EP400: variants seen among roughly 807,000 people sequenced by gnomAD.
The protein encoded by EP400 is E1A binding protein p400.
In EP400, 105 loss-of-function variants were observed where a neutral mutation model predicts 354.1. The ratio of observed to expected loss-of-function variants is 0.30; its 90% confidence interval spans 0.25 to 0.35. The LOEUF (loss-of-function observed/expected upper bound fraction) is 0.35, where lower values mean the gene tolerates loss of function less well. Among genes scored for constraint, EP400 ranks in the 10% least tolerant of loss-of-function variants. The pLI, the probability that EP400 is intolerant of heterozygous loss-of-function variation, is 1.00. For missense variants in EP400, 3,280 were observed against 4,121.0 expected (o/e 0.80, Z 5.59); for synonymous variants, 1,646 against 1,716.9 (o/e 0.96, Z 1.02).
intron 15 of EP400, 25 bp downstream of exon 15, chr12:132,006,902 C>G (rs367783434): frequency 6.2e-7 from 1 of 1,613,322 alleles, no homozygotes; most frequent in Non-Finnish European, 8.5e-7. Flanking sequence ...GTTTTTTTAA[C>G]AATACCTATT....
chr12:132,020,049 G>A lies in EP400; in HGVS notation c.4278G>A (p.Arg1426=). ...RPAAAKLKAS[R]LFQPVQYGQK... ...CTTGCCTGGACCAATGGGCATCTAG[G>A]TTGTTTCAGCCTGTGCAGTATGGCC... Residue 1426 remains arginine, a splice_region_variant and synonymous_variant, in exon 22 of 53, where the codon AGG becomes AGA. Coordinates refer to ENST00000389561, the MANE Select transcript of EP400 (RefSeq NM_015409.5). The A allele has an allele frequency of 6.5e-7, 1 of 1,535,234 alleles. No homozygotes were observed. The highest frequency in any genetic ancestry group is 8.8e-7 in the Non-Finnish European group (1 of 1,138,768).
chr12:132,029,850 C>T lies in EP400; in HGVS notation c.5531C>T (p.Thr1844Met), dbSNP rs780531998. The T allele has an allele frequency of 1.8e-5, 29 of 1,612,838 alleles. No homozygotes were observed. Among genetic ancestry groups the T allele is most frequent in the Middle Eastern group, 1.7e-4 (1 of 6,052 alleles). The change falls in exon 28 of 53, where the codon ACG becomes ATG. Residue 1844 changes from threonine to methionine, a missense_variant. Thr to Met is a moderately conservative substitution (Grantham distance 81). Around this residue, in one of 20 missense-constraint regions of EP400, gnomAD observed 459 missense variants for 496.9 expected, o/e 0.92. Coordinates refer to ENST00000389561, the MANE Select transcript of EP400 (RefSeq NM_015409.5). The surrounding 1 kb of genome is among the most constrained non-coding windows in gnomAD (Gnocchi z 4.7). ...TACTTCCAGCAGCTGCGGCAGACCA[C>T]GGCTCCACGCCTGCTGCAGTTCCCT... is the stretch of plus-strand genomic sequence containing the variant. ...APYFQQLRQTTAPRLLQFPEL... is the reference protein window; with the variant it reads ...APYFQQLRQTMAPRLLQFPEL...
Position 132,020,201 on chromosome 12 carries a change from C to T in EP400, c.4430C>T (p.Ala1477Val). The T allele has an allele frequency of 6.2e-7, 1 of 1,606,332 alleles. No individual in the cohort carries two copies. The highest frequency in any genetic ancestry group is 1.1e-5 in the South Asian group (1 of 89,560). ...CGGCCGCCCATCGCCACGTTCTCTG[C>T]CAATCCGGAGGCAAAAGGTAGACTT... ...RGRPPIATFS[A>V]NPEAKAAAAP... is the part of the protein sequence containing the mutation. Residue 1477 changes from alanine (A) to valine (V), a missense_variant, in exon 22 of 53, where the codon GCC becomes GTC. Ala to Val is a moderately conservative substitution (Grantham distance 64). This residue lies in a region of EP400 where 342 missense variants were observed against 342.7 expected (regional missense o/e 1.00). Transcript: ENST00000389561.
chr12:132,063,874 G>A (rs914503414), intron 47 of EP400, among the ~76,000 whole-genome samples: 1 of 152,172 alleles, frequency 6.6e-6, no homozygotes, highest in Non-Finnish European at 1.5e-5. Flanking sequence ...CCTGCGGGAC[G>A]TGCCACTGGA....
chr12:131,976,640 G>C (rs111759723), intron 2 of EP400, among the ~76,000 whole-genome samples: 1,834 of 152,254 alleles, frequency 0.012, 40 homozygotes, highest in African/African-American at 0.042. Context: ...AACCCAGGAG[G>C]TGGAGGTTGC....
At chr12:131,954,226 A>T (rs922485322) in intron 1 of EP400, among the ~76,000 whole-genome samples, 2 of 137,220 alleles carry the variant, frequency 1.5e-5, no homozygotes, top group Non-Finnish European at 3.2e-5. Context: ...TCTTAAAATT[A>T]AAAAAAAAAA....
At chr12:131,972,615 C>T (rs183328573) in intron 2 of EP400, among the ~76,000 whole-genome samples, 23 of 151,438 alleles carry the variant, frequency 1.5e-4, no homozygotes, top group Admixed American at 8.6e-4. Context: ...CAGACAGGCA[C>T]GCATTTATTT....
At position 132,013,716 on chromosome 12, in the gene EP400, G is replaced by A. The variant is rs1393836279; in HGVS notation, c.3786+52G>A. The A allele has an allele frequency of 1.2e-6, 2 of 1,609,750 alleles. No individual in the cohort carries two copies. Among genetic ancestry groups the A allele is most frequent in the African/African-American group, 1.3e-5 (1 of 74,778 alleles). ...AATTAATTAAACATGCGTATGCCTT[G>A]TTATAAACGTGTTACAGCAGCATTT... On this transcript the variant is annotated intron_variant, in intron 18 of 52. Coordinates refer to ENST00000389561, the MANE Select transcript of EP400 (RefSeq NM_015409.5). The surrounding 1 kb of genome is among the most constrained non-coding windows in gnomAD (Gnocchi z 4.5).
chr12:132,066,496 G>A (rs975249042), intron 48 of EP400: 36 of 407,944 alleles, frequency 8.8e-5, no homozygotes, highest in South Asian at 2.2e-4. Context: ...ATGGAGGGAA[G>A]TGAAGGTGAT....
chr12:132,020,374 G>A (rs932651588), intron 22 of EP400, among the ~76,000 whole-genome samples, 156 bp downstream of exon 22: 1 of 152,212 alleles, frequency 6.6e-6, no homozygotes, highest in African/African-American at 2.4e-5. Context: ...TTTAGTTCTT[G>A]ATGAGTTTTA....
chr12:131,998,962 C>G (rs538392645), intron 12 of EP400, among the ~76,000 whole-genome samples: 1 of 148,110 alleles, frequency 6.8e-6, no homozygotes, highest in Non-Finnish European at 1.5e-5. Context: ...AGAGTTTTTC[C>G]TTTATAATCC....
At chr12:132,074,435 T>C (rs776054428) in intron 51 of EP400, among the ~76,000 whole-genome samples, 1 of 152,214 alleles carries the variant, frequency 6.6e-6, no homozygotes, top group Non-Finnish European at 1.5e-5. Flanking sequence ...AGACGTTGTC[T>C]TTGTCTTTGT....
At chr12:131,991,506 C>T (rs530743915) in intron 10 of EP400, 50 bp downstream of exon 10, 4 of 1,538,816 alleles carry the variant, frequency 2.6e-6, no homozygotes, top group Admixed American at 3.3e-5. Flanking sequence ...AGAAGCAGCT[C>T]CAGTAGAGTG....
intron 30 of EP400, 146 bp from the exon 31 acceptor site, chr12:132,037,536 C>A: frequency 1.5e-6 from 1 of 669,530 alleles, no homozygotes; most frequent in Non-Finnish European, 2.6e-6. Context: ...TGAGAGCGGC[C>A]TTTGGTGCCC....
At chr12:131,950,246 G>C (rs1891415866) in intron 1 of EP400, among the ~76,000 whole-genome samples, 1 of 152,002 alleles carries the variant, frequency 6.6e-6, no homozygotes, top group Non-Finnish European at 1.5e-5. Context: ...GGTCTTTCGA[G>C]TCGTAGCGCC....
At position 131,990,913 on chromosome 12, in the gene EP400, C is replaced by T. The variant is rs1364536886; in HGVS notation, c.2629+199C>T. On this transcript the variant is annotated intron_variant, in intron 9 of 52. Transcript: ENST00000389561. The surrounding 1 kb of genome is among the most constrained non-coding windows in gnomAD (Gnocchi z 4.2). ...GCTTTTGAGATGTGCTAGTGTGAGT[C>T]AGCACCCCCAAGTTGATAAACTCTG... Among the ~76,000 whole-genome samples the T allele has an allele frequency of 6.6e-6, 1 of 152,182 alleles. No homozygotes were observed. The highest frequency in any genetic ancestry group is 1.5e-5 in the Non-Finnish European group (1 of 68,036).
Position 131,982,277 on chromosome 12 carries a change from G to C in EP400, c.1728G>C (p.Gln576His). The change falls in exon 5 of 53, where the codon CAG becomes CAC. Residue 576 changes from glutamine to histidine, a missense_variant. Around this residue, in one of 20 missense-constraint regions of EP400, gnomAD observed 800 missense variants for 840.0 expected, o/e 0.95. Transcript: ENST00000389561. Reference sequence around the variant, plus strand: ...CTGCAGCCCTCTCCTCTGCGCTGCAGTTTGCACAGCAGCCGCAAGTGGTAG... The same window carrying C: ...CTGCAGCCCTCTCCTCTGCGCTGCACTTTGCACAGCAGCCGCAAGTGGTAG... ...VPTAALSSAL[Q>H]FAQQPQVVEA... 1 of 1,614,210 alleles carries C rather than the reference G, an allele frequency of 6.2e-7. No individual in the cohort carries two copies. The highest frequency in any genetic ancestry group is 1.1e-5 in the South Asian group (1 of 91,090).
intron 25 of EP400, among the ~76,000 whole-genome samples, chr12:132,026,752 C>T (rs1412300179): frequency 6.6e-6 from 1 of 152,194 alleles, no homozygotes; most frequent in Non-Finnish European, 1.5e-5. Flanking sequence ...ACCCCCACCC[C>T]CAAGTGCTGA....
At position 131,994,043 on chromosome 12, in the gene EP400, G is replaced by A. The variant is rs966461358; in HGVS notation, c.2738-824G>A. Among the ~76,000 whole-genome samples the A allele has an allele frequency of 1.3e-5, 2 of 152,198 alleles. No individual in the cohort carries two copies. Among genetic ancestry groups the A allele is most frequent in the South Asian group, 2.1e-4 (1 of 4,834 alleles). On this transcript the variant is annotated intron_variant, in intron 11 of 52. Coordinates refer to ENST00000389561, the MANE Select transcript of EP400 (RefSeq NM_015409.5). The surrounding 1 kb of genome is among the most constrained non-coding windows in gnomAD (Gnocchi z 4.6). ...GAAGGCAGAAGGAATGGCAGAAGGCGTTTCCAAGAGGAGGGGATGGCCAGG... is the reference window on the plus strand; with the variant it reads ...GAAGGCAGAAGGAATGGCAGAAGGCATTTCCAAGAGGAGGGGATGGCCAGG...
Sources: allele counts gnomAD v4.1 joint callset (sites outside exome capture counted in the v4.1 genomes callset), GRCh38; gene constraint gnomAD v4.1.1; regional missense constraint gnomAD v4.1.1; non-coding constraint Gnocchi (gnomAD v3.1); transcripts MANE v1.5; gene names NCBI Gene and HGNC (gene_info 2026-07-23, HGNC 2026-07-21).